The following EPB41L3 variants were observed in gnomAD, a reference collection of about 807,000 sequenced individuals.
EPB41L3 encodes the protein band 4.1-like protein 3.
In EPB41L3, 57 loss-of-function variants were observed where a neutral mutation model predicts 127.1. The observed-to-expected ratio is 0.45, with a 90% CI of 0.36 to 0.56. The LOEUF is 0.56. EPB41L3 is among the 20% of genes least tolerant of loss of function. The probability of loss-of-function intolerance (pLI) is 0.00; values close to 1 mark genes in which losing one functional copy is unlikely to be tolerated. For missense variants in EPB41L3, 1,273 were observed against 1,372.2 expected (o/e 0.93, Z 1.14); for synonymous variants, 572 against 549.5 (o/e 1.04, Z -0.57).
intron 1 of EPB41L3, among the ~76,000 whole-genome samples, chr18:5,520,961 A>G (rs1341948783): frequency 6.6e-6 from 1 of 152,230 alleles, no homozygotes; most frequent in African/African-American, 2.4e-5. Context: ...GCAGAAAGAG[A>G]TGTGCTCCAT....
intron 16 of EPB41L3, 30 bp downstream of exon 16, chr18:5,406,747 A>G: frequency 6.3e-7 from 1 of 1,593,310 alleles, no homozygotes; most frequent in East Asian, 2.2e-5. Flanking sequence ...TAAACAGAAT[A>G]CGAGTCTGAC....
At chr18:5,454,693 A>T (rs1284480235) in intron 3 of EPB41L3, among the ~76,000 whole-genome samples, 1 of 152,214 alleles carries the variant, frequency 6.6e-6, no homozygotes, top group African/African-American at 2.4e-5. Flanking sequence ...TTCATCAGTC[A>T]ATCAATAATT....
At chr18:5,457,434 T>C (rs1460117248) in intron 3 of EPB41L3, among the ~76,000 whole-genome samples, 1 of 151,774 alleles carries the variant, frequency 6.6e-6, no homozygotes, top group Non-Finnish European at 1.5e-5. Flanking sequence ...TTTCATCTGG[T>C]GGAACAAGTG....
intron 6 of EPB41L3, among the ~76,000 whole-genome samples, chr18:5,435,853 C>T (rs1024591559): frequency 2.7e-5 from 4 of 150,596 alleles, no homozygotes; most frequent in African/African-American, 9.9e-5. Flanking sequence ...GAGGTAGTCT[C>T]TTTATAATAA....
At chr18:5,577,553 G>A (rs990914561) in intron 3 of EPB41L3, 6 of 312,904 alleles carry the variant, frequency 1.9e-5, no homozygotes, top group Non-Finnish European at 3.7e-5. Context: ...TCAAGCCGGG[G>A]CAGGAAGCAA....
In EPB41L3 at chr18:5,543,725, G is replaced by T. The variant is rs946419565; in HGVS notation, c.-12+188C>A. On this transcript the variant is annotated intron_variant, in intron 1 of 22. Coordinates refer to ENST00000341928, the MANE Select transcript of EPB41L3 (RefSeq NM_012307.5). This position sits in a 1 kb window ranked among gnomAD's most constrained non-coding sequence, Gnocchi z 5.2. The stretch of plus-strand genomic sequence containing the variant: ...CGGCCCGGTGGGGGTCCCGGCGAGC[G>T]GGAGGGCGGTTGGGGACCCCGGCCG... Among the ~76,000 whole-genome samples, 1 of 147,620 alleles carries T rather than the reference G, an allele frequency of 6.8e-6. No homozygotes were observed. Among genetic ancestry groups the T allele is most frequent in the Non-Finnish European group, 1.5e-5 (1 of 66,430 alleles).
intron 12 of EPB41L3, among the ~76,000 whole-genome samples, chr18:5,416,872 T>C (rs117203419): frequency 0.015 from 2,282 of 152,120 alleles, 32 homozygotes; most frequent in Non-Finnish European, 0.026. Flanking sequence ...AACCAATCTC[T>C]AGCATTAGTC....
chr18:5,455,387 T>G (rs73937135), intron 3 of EPB41L3, among the ~76,000 whole-genome samples: 7,920 of 152,244 alleles, frequency 0.052, 673 homozygotes, highest in African/African-American at 0.18. Context: ...CATTCAATTT[T>G]TCTTTTCAAA....
chr18:5,406,196 A>G (rs2075358145), intron 16 of EPB41L3, among the ~76,000 whole-genome samples: 1 of 152,184 alleles, frequency 6.6e-6, no homozygotes, highest in African/African-American at 2.4e-5. Context: ...GGCTACAGTG[A>G]GACAAGATCA....
Position 5,543,639 on chromosome 18 carries a change from C to G in EPB41L3, c.-12+274G>C, listed in dbSNP as rs1318987832. Reference sequence around the variant, plus strand: ...GAGGCCGGGGCTCAGGCTCTGCGCGCCGGCCCAGCCACTACTGCGCCGCGG... The same window carrying G: ...GAGGCCGGGGCTCAGGCTCTGCGCGGCGGCCCAGCCACTACTGCGCCGCGG... On this transcript the variant is annotated intron_variant, in intron 1 of 22. Transcript: ENST00000341928. This position sits in a 1 kb window ranked among gnomAD's most constrained non-coding sequence, Gnocchi z 5.2. 6.8e-6 allele frequency among the ~76,000 whole-genome samples: 1 copy of G among 147,096 alleles called. No individual in the cohort carries two copies. Among genetic ancestry groups the G allele is most frequent in the Non-Finnish European group, 1.5e-5 (1 of 66,044 alleles).
intron 3 of EPB41L3, among the ~76,000 whole-genome samples, chr18:5,549,542 GT>G (rs2149131736): frequency 6.6e-6 from 1 of 152,268 alleles, no homozygotes; most frequent in South Asian, 2.1e-4. Context: ...TTTGTGAACA[GT>G]TTTCTAAGTT....
intron 3 of EPB41L3, among the ~76,000 whole-genome samples, chr18:5,476,522 CCTCT>C (rs1188401435): frequency 1.3e-5 from 2 of 152,170 alleles, no homozygotes; most frequent in Non-Finnish European, 2.9e-5. Context: ...AAGGCATTAT[CCTCT>C]CTATGTGAAA....
chr18:5,598,584 T>C (rs896289997), intron 3 of EPB41L3, among the ~76,000 whole-genome samples: 2 of 152,158 alleles, frequency 1.3e-5, no homozygotes, highest in Non-Finnish European at 2.9e-5. Flanking sequence ...TGAAAAACGG[T>C]GTCAACCCTC....
At chr18:5,480,625 C>T (rs2088264876) in intron 2 of EPB41L3, among the ~76,000 whole-genome samples, 1 of 152,194 alleles carries the variant, frequency 6.6e-6, no homozygotes. Flanking sequence ...GGAAGAATCT[C>T]AGAAATTATC....
At chr18:5,444,145 A>T (rs2081159866) in intron 4 of EPB41L3, among the ~76,000 whole-genome samples, 1 of 152,216 alleles carries the variant, frequency 6.6e-6, no homozygotes, top group Non-Finnish European at 1.5e-5. Context: ...TCAGGGATTC[A>T]AGCTAGCACA....
At chr18:5,400,008 T>C (rs1428594281) in intron 16 of EPB41L3, 1 of 145,396 alleles carries the variant, frequency 6.9e-6, no homozygotes, top group Non-Finnish European at 1.4e-5. Context: ...AGTGTTCGAG[T>C]CTTACATTTT....
rs183179716 is a variant in EPB41L3, at chr18:5,415,794, C to T, written c.2067+24G>A. 6.5e-5 allele frequency: 104 copies of T among 1,600,208 alleles called. 1 individual carries two copies. The Admixed American group carries it at 1.0e-3, about 16-fold the overall frequency. On this transcript the variant is annotated intron_variant, in intron 13 of 22. Transcript: ENST00000341928. Reference sequence around the variant, plus strand: ...TCAAGCACGGAACACGAAGGGGAAGCGTGTTCTATGCCGAGGTACACACCT... The same window carrying T: ...TCAAGCACGGAACACGAAGGGGAAGTGTGTTCTATGCCGAGGTACACACCT...
chr18:5,626,178 G>A (rs2094921768), intron 1 of EPB41L3, among the ~76,000 whole-genome samples: 1 of 152,140 alleles, frequency 6.6e-6, no homozygotes, highest in Admixed American at 6.5e-5. Context: ...GCTTGCATTA[G>A]TTTTGGGCTA....
intron 3 of EPB41L3, among the ~76,000 whole-genome samples, chr18:5,599,277 C>T (rs1008168302): frequency 1.3e-5 from 2 of 152,182 alleles, no homozygotes; most frequent in Admixed American, 6.5e-5. Context: ...ATTGTAATGG[C>T]GATGGGCCAA....
Sources: gnomAD v4.1 joint callset for allele counts (sites outside exome capture counted in the v4.1 genomes callset) on GRCh38, gnomAD v4.1.1 for gene constraint, Gnocchi (gnomAD v3.1) non-coding constraint, MANE v1.5 for transcripts, NCBI Gene and HGNC (gene_info 2026-07-23, HGNC 2026-07-21) for gene names.